The following RPS6KC1 variants were observed in gnomAD, a reference collection of about 807,000 sequenced individuals.
The protein encoded by RPS6KC1 is ribosomal protein S6 kinase C1, also known as inactive ribosomal protein S6 kinase delta-1.
A neutral mutation model predicts 103.8 loss-of-function variants in RPS6KC1; 54 were observed. That is an observed-to-expected ratio of 0.52 (90% CI 0.42 to 0.65). The LOEUF is 0.65. Ranked by LOEUF, RPS6KC1 falls within the 30% of genes least tolerant of loss-of-function variation. The probability of loss-of-function intolerance (pLI) is 0.00; values close to 1 mark genes in which losing one functional copy is unlikely to be tolerated. For synonymous variants in RPS6KC1, 439 were observed against 438.7 expected (o/e 1.00, Z -0.01); for missense variants, 1,151 against 1,253.8 (o/e 0.92, Z 1.24).
chr1:213,437,909 T>C, the RPS6KC1 span, among the ~76,000 whole-genome samples: 1 of 152,060 alleles, frequency 6.6e-6, no homozygotes, highest in Non-Finnish European at 1.5e-5. Flanking sequence ...TTTAGTAATA[T>C]ATTTTATATT....
chr1:213,177,427 C>T lies in RPS6KC1; in HGVS notation c.1044+935C>T, dbSNP rs142796877. On this transcript the variant is annotated intron_variant, in intron 8 of 14. Transcript: ENST00000366960. ...TACTATACATTATTTGTGAAGTATG[C>T]GTGTGATTCCATCCTAAAATTGAGC... Among the ~76,000 whole-genome samples the T allele has an allele frequency of 2.8e-4, 43 of 152,212 alleles. No homozygotes were observed. In the East Asian group the frequency reaches 5.8e-3, roughly 20 times the overall value.
chr1:213,329,804 T>C, the RPS6KC1 span, among the ~76,000 whole-genome samples: 1 of 152,196 alleles, frequency 6.6e-6, no homozygotes, highest in Non-Finnish European at 1.5e-5. Flanking sequence ...TCCGAGGTCC[T>C]TCTTCTATTG....
chr1:213,123,271 T>C (rs898101237), intron 5 of RPS6KC1, among the ~76,000 whole-genome samples: 2 of 152,132 alleles, frequency 1.3e-5, no homozygotes, highest in African/African-American at 4.8e-5. Flanking sequence ...TCCTGGAGGC[T>C]AGAGAAAGTT....
At chr1:213,469,979 C>T in the RPS6KC1 span, among the ~76,000 whole-genome samples, 3 of 152,312 alleles carry the variant, frequency 2.0e-5, no homozygotes, top group South Asian at 6.2e-4. Context: ...TACCACTGTG[C>T]TCCAACCTGG....
chr1:213,537,329 G>A, the RPS6KC1 span, among the ~76,000 whole-genome samples: 1 of 152,088 alleles, frequency 6.6e-6, no homozygotes, highest in Non-Finnish European at 1.5e-5. Flanking sequence ...TTAAGTTATT[G>A]CCACTGGGAG....
In RPS6KC1 at chr1:213,167,901, A is replaced by G; in HGVS notation, c.879A>G (p.Thr293=). ...PTRREAVKRR[T]AEYLMRAESI... is the part of the protein sequence containing the mutation. ...GTCGAGAAGCTGTGAAGAGAAGAACAGCCGAGTACCTCATGCGGGCAGAAA... is the reference window on the plus strand; with the variant it reads ...GTCGAGAAGCTGTGAAGAGAAGAACGGCCGAGTACCTCATGCGGGCAGAAA... Residue 293 remains threonine (T), a synonymous_variant, in exon 7 of 15, where the codon ACA becomes ACG. Transcript: ENST00000366960. 1 of 1,613,784 alleles carries G rather than the reference A, an allele frequency of 6.2e-7. No homozygotes were observed. Among genetic ancestry groups the G allele is most frequent in the Non-Finnish European group, 8.5e-7 (1 of 1,179,874 alleles).
chr1:213,746,167 G>A, the RPS6KC1 span, among the ~76,000 whole-genome samples: 1 of 152,202 alleles, frequency 6.6e-6, no homozygotes, highest in East Asian at 1.9e-4. Context: ...ATTCTCATAT[G>A]TTATCAGGTG....
At chr1:213,473,915 A>G in the RPS6KC1 span, among the ~76,000 whole-genome samples, 1 of 152,134 alleles carries the variant, frequency 6.6e-6, no homozygotes, top group Admixed American at 6.5e-5. Flanking sequence ...ATGGAACTAG[A>G]TCTGCCTGAG....
At chr1:213,757,727 A>G in the RPS6KC1 span, among the ~76,000 whole-genome samples, 2 of 152,230 alleles carry the variant, frequency 1.3e-5, no homozygotes, top group Non-Finnish European at 2.9e-5. Flanking sequence ...TTGGAAGAAG[A>G]TGACAACCAG....
At chr1:213,458,837 C>T in the RPS6KC1 span, among the ~76,000 whole-genome samples, 2 of 152,254 alleles carry the variant, frequency 1.3e-5, no homozygotes, top group East Asian at 3.9e-4. Context: ...TGAATTTTAT[C>T]GAAGGCCTTT....
At chr1:213,699,272 T>TTTCTA in the RPS6KC1 span, among the ~76,000 whole-genome samples, 1 of 152,112 alleles carries the variant, frequency 6.6e-6, no homozygotes, top group Admixed American at 6.5e-5. Flanking sequence ...AGTTCAATTG[T>TTTCTA]TTCTATTTTT....
chr1:213,758,502 C>T, the RPS6KC1 span, among the ~76,000 whole-genome samples: 20 of 151,466 alleles, frequency 1.3e-4, no homozygotes, highest in Admixed American at 3.9e-4. Flanking sequence ...CACTTGAACC[C>T]GGGAGGCGGA....
chr1:213,219,824 A>C (rs963261700), intron 8 of RPS6KC1, among the ~76,000 whole-genome samples: 2 of 127,362 alleles, frequency 1.6e-5, no homozygotes, highest in Non-Finnish European at 3.2e-5. Flanking sequence ...ACATGGACAC[A>C]GGAAGGGGAA....
chr1:213,376,084 CTGTGTG>C, the RPS6KC1 span, among the ~76,000 whole-genome samples: 7,483 of 140,248 alleles, frequency 0.053, 265 homozygotes, highest in African/African-American at 0.1. Context: ...CTCGTGACAA[CTGTGTG>C]TGTGTGTGTG....
At chr1:213,822,592 G>C in the RPS6KC1 span, among the ~76,000 whole-genome samples, 1 of 152,172 alleles carries the variant, frequency 6.6e-6, no homozygotes, top group Non-Finnish European at 1.5e-5. Context: ...GGTATGTCCA[G>C]ATCAACCAAA....
chr1:213,537,648 A>G, the RPS6KC1 span, among the ~76,000 whole-genome samples: 1 of 152,002 alleles, frequency 6.6e-6, no homozygotes. Context: ...TCCTCTTGAT[A>G]TTGTAGAAGT....
chr1:213,615,340 G>A, the RPS6KC1 span, among the ~76,000 whole-genome samples: 5 of 152,210 alleles, frequency 3.3e-5, no homozygotes, highest in African/African-American at 1.2e-4. Flanking sequence ...CAGTACAGGG[G>A]CTTTTGCATT....
At chr1:213,598,899 G>A in the RPS6KC1 span, among the ~76,000 whole-genome samples, 5 of 152,080 alleles carry the variant, frequency 3.3e-5, no homozygotes, top group African/African-American at 9.7e-5. Context: ...CCAGCCGGGC[G>A]ACAGAGACTA....
At chr1:213,822,376 C>T in the RPS6KC1 span, 1 of 152,136 alleles carries the variant, frequency 6.6e-6, no homozygotes, top group South Asian at 2.1e-4. Flanking sequence ...CTCTGTCCTT[C>T]ATGGATTTAA....
Sources: allele counts gnomAD v4.1 joint callset (sites outside exome capture counted in the v4.1 genomes callset), GRCh38; gene constraint gnomAD v4.1.1; transcripts MANE v1.5; gene names NCBI Gene and HGNC (gene_info 2026-07-23, HGNC 2026-07-21).